The following OLFM3 variants were observed in gnomAD, a reference collection of about 807,000 sequenced individuals.
The protein encoded by OLFM3 is noelin-3.
In OLFM3, 20 loss-of-function variants were observed where a neutral mutation model predicts 48.6. That is an observed-to-expected ratio of 0.41 (90% CI 0.29 to 0.60). The LOEUF is 0.60. OLFM3 is among the 20% of genes least tolerant of loss of function. The pLI, the probability that OLFM3 is intolerant of heterozygous loss-of-function variation, is 0.28. For synonymous variants in OLFM3, 222 were observed against 198.1 expected (o/e 1.12, Z -1.01); for missense variants, 437 against 544.3 (o/e 0.80, Z 1.96).
At chr1:101,951,268 A>G (rs1044850209) in intron 1 of OLFM3, among the ~76,000 whole-genome samples, 2 of 152,250 alleles carry the variant, frequency 1.3e-5, no homozygotes, top group African/African-American at 4.8e-5. Context: ...TGAATGCTGT[A>G]TGATAATTTA....
intron 1 of OLFM3, among the ~76,000 whole-genome samples, chr1:101,866,457 G>A (rs1348440509): frequency 3.3e-5 from 5 of 151,690 alleles, no homozygotes; most frequent in African/African-American, 4.8e-5. Flanking sequence ...TCTTTTTTTA[G>A]CTTCAGTGAT....
chr1:101,886,387 G>C (rs1214673115), intron 1 of OLFM3, among the ~76,000 whole-genome samples: 4 of 152,112 alleles, frequency 2.6e-5, no homozygotes, highest in Non-Finnish European at 5.9e-5. Context: ...ATACATAAAA[G>C]TCTTGGGAAG....
chr1:101,843,469 G>T (rs1410106092), intron 1 of OLFM3, among the ~76,000 whole-genome samples: 1 of 152,136 alleles, frequency 6.6e-6, no homozygotes, highest in Non-Finnish European at 1.5e-5. Context: ...GGCTTCCTCT[G>T]CTCAGAAACC....
intron 1 of OLFM3, among the ~76,000 whole-genome samples, chr1:101,967,590 G>GAAAAACAAAAAAAAA (rs1660650288): frequency 2.2e-5 from 1 of 44,570 alleles, no homozygotes; most frequent in African/African-American, 1.1e-4. Flanking sequence ...CCTAGTCAGT[G>GAAAAACAAAAAAAAA]AAAAAAAAAA....
At chr1:101,939,898 C>A (rs975824168) in intron 1 of OLFM3, among the ~76,000 whole-genome samples, 2 of 152,074 alleles carry the variant, frequency 1.3e-5, no homozygotes, top group African/African-American at 4.8e-5. Flanking sequence ...AGCCTCTACC[C>A]ACACAGTGCT....
At chr1:101,817,410 A>G (rs577047006) in intron 4 of OLFM3, among the ~76,000 whole-genome samples, 35 of 152,296 alleles carry the variant, frequency 2.3e-4, no homozygotes, top group Admixed American at 1.4e-3. Context: ...TATACATCTT[A>G]CCAAATGCAG....
At chr1:101,976,118 TAC>T (rs1386907037) in intron 1 of OLFM3, among the ~76,000 whole-genome samples, 1 of 152,214 alleles carries the variant, frequency 6.6e-6, no homozygotes, top group Non-Finnish European at 1.5e-5. Context: ...TCCAAAACGA[TAC>T]AGTCAATTTG....
chr1:101,805,454 T>C (rs997632354), intron 5 of OLFM3, among the ~76,000 whole-genome samples: 1 of 151,790 alleles, frequency 6.6e-6, no homozygotes, highest in African/African-American at 2.4e-5. Context: ...ACTAACCTCA[T>C]TTAGAAATAA....
intron 1 of OLFM3, among the ~76,000 whole-genome samples, chr1:101,924,215 T>C (rs1327648120): frequency 6.6e-6 from 1 of 152,192 alleles, no homozygotes; most frequent in Non-Finnish European, 1.5e-5. Flanking sequence ...AACACTTTTA[T>C]AGTGAATTAT....
intron 1 of OLFM3, among the ~76,000 whole-genome samples, chr1:101,966,460 A>G (rs1464941142): frequency 6.6e-6 from 1 of 152,172 alleles, no homozygotes; most frequent in African/African-American, 2.4e-5. Flanking sequence ...GGCGTGAGCC[A>G]CTGTGTCGGG....
intron 1 of OLFM3, among the ~76,000 whole-genome samples, chr1:101,878,454 G>C (rs1222556590): frequency 6.6e-6 from 1 of 151,870 alleles, no homozygotes; most frequent in Non-Finnish European, 1.5e-5. Context: ...CACATCAGAG[G>C]GAAGGTGACT....
chr1:101,837,131 TGTG>T (rs1274116198), intron 1 of OLFM3, 106 bp from the exon 2 acceptor site: 1 of 1,179,792 alleles, frequency 8.5e-7, no homozygotes, highest in Non-Finnish European at 1.2e-6. Context: ...AATTTAACTT[TGTG>T]TTTTCAATCT....
chr1:101,866,013 G>A (rs1188076826), intron 1 of OLFM3, among the ~76,000 whole-genome samples: 1 of 152,108 alleles, frequency 6.6e-6, no homozygotes, highest in African/African-American at 2.4e-5. Flanking sequence ...AATGCATACA[G>A]AAGAGAAAAC....
intron 1 of OLFM3, among the ~76,000 whole-genome samples, chr1:101,845,896 A>G (rs1202359170): frequency 6.6e-6 from 1 of 152,238 alleles, no homozygotes; most frequent in African/African-American, 2.4e-5. Flanking sequence ...AACAGCAAAT[A>G]ACACTTGGAA....
Position 101,806,155 on chromosome 1 carries a change from C to G in OLFM3, c.620G>C (p.Gly207Ala). The G allele has an allele frequency of 6.2e-7, 1 of 1,611,906 alleles. No individual in the cohort carries two copies. ...TCCAGATGTCTTGACTGTAACTGGG[C>G]CTGTGATTTTCATCAGTTTGCCACA... ...LTCGKLMKIT[G>A]PVTVKTSGTR... Residue 207 changes from glycine to alanine, a missense_variant, in exon 5 of 6, where the codon GGC (glycine) becomes GCC (alanine). Physicochemically the swap from Gly to Ala is moderately conservative, Grantham distance 60. Coordinates refer to ENST00000370103, the MANE Select transcript of OLFM3 (RefSeq NM_058170.4).
At chr1:101,958,843 A>G (rs1660380958) in intron 1 of OLFM3, among the ~76,000 whole-genome samples, 1 of 148,372 alleles carries the variant, frequency 6.7e-6, no homozygotes, top group Non-Finnish European at 1.5e-5. Flanking sequence ...TATTATATAT[A>G]TATATATATA....
At chr1:101,983,961 T>C (rs904126281) in intron 1 of OLFM3, among the ~76,000 whole-genome samples, 1 of 152,220 alleles carries the variant, frequency 6.6e-6, no homozygotes, top group African/African-American at 2.4e-5. Context: ...CATCATTGTA[T>C]TGAATCACGG....
At chr1:101,825,999 G>A (rs922749857) in intron 3 of OLFM3, among the ~76,000 whole-genome samples, 1 of 152,084 alleles carries the variant, frequency 6.6e-6, no homozygotes, top group Non-Finnish European at 1.5e-5. Flanking sequence ...TAATTTAAAG[G>A]TCGTTATGTA....
At chr1:101,936,949 A>G (rs1659638794) in intron 1 of OLFM3, among the ~76,000 whole-genome samples, 1 of 152,216 alleles carries the variant, frequency 6.6e-6, no homozygotes. Flanking sequence ...CGTACATCAT[A>G]TATGAAAATC....
Sources: gnomAD v4.1 joint callset for allele counts (sites outside exome capture counted in the v4.1 genomes callset) on GRCh38, gnomAD v4.1.1 for gene constraint, MANE v1.5 for transcripts, NCBI Gene and HGNC (gene_info 2026-07-23, HGNC 2026-07-21) for gene names.